The following PTPRM variants were observed in gnomAD, a reference collection of about 807,000 sequenced individuals.
PTPRM encodes the protein receptor-type tyrosine-protein phosphatase mu.
In PTPRM, 47 loss-of-function variants were observed where a neutral mutation model predicts 186.7. The observed-to-expected ratio is 0.25, with a 90% CI of 0.20 to 0.32. The LOEUF (loss-of-function observed/expected upper bound fraction) is 0.32, where lower values mean the gene tolerates loss of function less well. Ranked by LOEUF, PTPRM falls within the 10% of genes least tolerant of loss-of-function variation. The pLI is 1.00. For synonymous variants in PTPRM, 668 were observed against 674.9 expected, an observed-to-expected ratio of 0.99 and a Z score of 0.16; for missense variants, 1,494 against 1,865.0, an observed-to-expected ratio of 0.80 and a Z score of 3.66.
At chr18:8,043,685 A>G (rs2086833262) in intron 7 of PTPRM, among the ~76,000 whole-genome samples, 1 of 151,872 alleles carries the variant, frequency 6.6e-6, no homozygotes, top group Non-Finnish European at 1.5e-5. Context: ...CCTGCTTCCT[A>G]TCAAACATAA....
chr18:7,919,102 CA>C (rs1251127037), intron 4 of PTPRM, among the ~76,000 whole-genome samples: 1 of 152,078 alleles, frequency 6.6e-6, no homozygotes, highest in African/African-American at 2.4e-5. Context: ...AAGTTGGCTA[CA>C]AATGCGTAGA....
At chr18:8,372,718 T>C (rs1298759481) in intron 24 of PTPRM, among the ~76,000 whole-genome samples, 5 of 69,718 alleles carry the variant, frequency 7.2e-5, no homozygotes, top group African/African-American at 6.6e-4. Context: ...TTAGGCAGAA[T>C]TGGAAAAAAA....
intron 17 of PTPRM, 101 bp from the exon 18 acceptor site, chr18:8,252,387 A>G (rs1456134612): frequency 5.5e-5 from 56 of 1,010,534 alleles, no homozygotes. Flanking sequence ...AAGTTAAAGC[A>G]TAAAATAAAA....
intron 2 of PTPRM, among the ~76,000 whole-genome samples, chr18:7,793,996 G>A (rs944911281): frequency 5.3e-5 from 8 of 152,170 alleles, no homozygotes; most frequent in Non-Finnish European, 8.8e-5. Flanking sequence ...GGAACGATGC[G>A]GAGGTTAGCC....
chr18:8,030,090 A>G (rs1181268818), intron 7 of PTPRM, among the ~76,000 whole-genome samples: 2 of 152,232 alleles, frequency 1.3e-5, no homozygotes, highest in South Asian at 2.1e-4. Context: ...AGTCGATGCC[A>G]ATCTGTGTTA....
At chr18:7,963,424 G>T (rs2053813284) in intron 7 of PTPRM, among the ~76,000 whole-genome samples, 1 of 152,230 alleles carries the variant, frequency 6.6e-6, no homozygotes, top group African/African-American at 2.4e-5. Flanking sequence ...TCTAAAAAGT[G>T]TGGACAGATG....
chr18:8,043,990 G>A (rs1003281512), intron 7 of PTPRM, among the ~76,000 whole-genome samples: 1 of 152,196 alleles, frequency 6.6e-6, no homozygotes, highest in African/African-American at 2.4e-5. Context: ...CTCTAAGACT[G>A]GGAGTCAGGG....
chr18:8,337,577 A>G (rs2095447110), intron 22 of PTPRM, among the ~76,000 whole-genome samples: 1 of 152,240 alleles, frequency 6.6e-6, no homozygotes, highest in Non-Finnish European at 1.5e-5. Context: ...CAAGTTAGGC[A>G]TGAGGCCACG....
At chr18:7,959,162 C>T (rs531376074) in intron 7 of PTPRM, among the ~76,000 whole-genome samples, 1 of 152,320 alleles carries the variant, frequency 6.6e-6, no homozygotes, top group Admixed American at 6.5e-5. Flanking sequence ...CAAACTCTTA[C>T]ATATAGCATG....
intron 1 of PTPRM, among the ~76,000 whole-genome samples, chr18:7,579,031 G>A (rs1356100886): frequency 6.6e-6 from 1 of 151,364 alleles, no homozygotes; most frequent in Non-Finnish European, 1.5e-5. Flanking sequence ...TTTGATAGTT[G>A]TGGTGCTGGG....
At chr18:7,933,614 T>C (rs1190340308) in intron 5 of PTPRM, among the ~76,000 whole-genome samples, 1 of 152,200 alleles carries the variant, frequency 6.6e-6, no homozygotes, top group Non-Finnish European at 1.5e-5. Context: ...GCTTGTCACA[T>C]AGCAAAATGC....
intron 1 of PTPRM, among the ~76,000 whole-genome samples, chr18:7,736,025 A>C (rs7230847): frequency 0.054 from 8,163 of 152,156 alleles, 563 homozygotes; most frequent in African/African-American, 0.15. Context: ...TGTAAAACCA[A>C]GCTATAACCT....
chr18:7,780,198 G>A (rs2042787360), intron 2 of PTPRM, among the ~76,000 whole-genome samples: 1 of 152,194 alleles, frequency 6.6e-6, no homozygotes, highest in Non-Finnish European at 1.5e-5. Context: ...ACACTAAGCA[G>A]TCAACAACAT....
intron 1 of PTPRM, among the ~76,000 whole-genome samples, chr18:7,699,555 C>T (rs2039915596): frequency 6.6e-6 from 1 of 152,000 alleles, no homozygotes; most frequent in Non-Finnish European, 1.5e-5. Flanking sequence ...ACTACAGCCA[C>T]GTGCCACCAC....
rs762789921 is a variant in PTPRM, at chr18:8,114,801, T to C, written c.2141T>C (p.Ile714Thr). ...CTTTATTTGACACAGGAAACCAAAA[T>C]AGACTGTGTCCAAGTGGCCACAAAA... ...AASRANGETK[I>T]DCVQVATKGA... The change falls in exon 13 of 33, where the codon ATA (isoleucine) becomes ACA (threonine). Residue 714 changes from isoleucine (I) to threonine (T), a missense_variant. Transcript: ENST00000580170. The C allele has an allele frequency of 5.6e-6, 9 of 1,610,602 alleles. No homozygotes were observed. The highest frequency in any genetic ancestry group is 2.7e-5 in the African/African-American group (2 of 74,782).
At chr18:7,569,771 A>G (rs2036524357) in intron 1 of PTPRM, among the ~76,000 whole-genome samples, 1 of 152,258 alleles carries the variant, frequency 6.6e-6, no homozygotes. Context: ...ATGATCAGTC[A>G]AGCCAAAATA....
chr18:8,087,279 G>T (rs547422344), intron 10 of PTPRM, among the ~76,000 whole-genome samples: 1 of 151,932 alleles, frequency 6.6e-6, no homozygotes. Context: ...TGTATTTTTT[G>T]AATAAAATAA....
intron 22 of PTPRM, among the ~76,000 whole-genome samples, chr18:8,338,916 T>C (rs2095456677): frequency 6.6e-6 from 1 of 152,120 alleles, no homozygotes; most frequent in Non-Finnish European, 1.5e-5. Flanking sequence ...AAAGCAGGGG[T>C]ACAAGTCATC....
chr18:7,964,331 G>A (rs184139745), intron 7 of PTPRM, among the ~76,000 whole-genome samples: 8 of 152,308 alleles, frequency 5.3e-5, no homozygotes, highest in East Asian at 1.9e-4. Context: ...TCACTTTATA[G>A]TCTGACTGAC....
Sources: gnomAD v4.1 joint callset for allele counts (sites outside exome capture counted in the v4.1 genomes callset) on GRCh38, gnomAD v4.1.1 for gene constraint, MANE v1.5 for transcripts, NCBI Gene and HGNC (gene_info 2026-07-23, HGNC 2026-07-21) for gene names.